SP100: variants seen among roughly 807,000 people sequenced by gnomAD.
The protein encoded by SP100 is SP100 nuclear body protein.
Under a neutral mutation model 130.0 loss-of-function variants are expected in SP100, and 84 were observed. The ratio of observed to expected loss-of-function variants is 0.65; its 90% CI spans 0.54 to 0.77. The LOEUF is 0.77. SP100 is among the 30% of genes least tolerant of loss of function. SP100 has a pLI of 0.00. For missense variants in SP100, 978 were observed against 1,052.2 expected, an observed-to-expected ratio of 0.93 and a Z score of 0.97; for synonymous variants, 331 against 351.7, an observed-to-expected ratio of 0.94 and a Z score of 0.66.
intron 17 of SP100, among the ~76,000 whole-genome samples, chr2:230,484,852 A>C (rs1310803575): frequency 6.6e-6 from 1 of 151,954 alleles, no homozygotes; most frequent in African/African-American, 2.4e-5. Context: ...GCTTGTTCTA[A>C]CTTTTCCGAG....
chr2:230,465,225 G>T (rs1575665418), intron 11 of SP100, among the ~76,000 whole-genome samples: 1 of 151,436 alleles, frequency 6.6e-6, no homozygotes, highest in South Asian at 2.1e-4. Flanking sequence ...GACAGAGCAA[G>T]ACTCCATCTC....
intron 2 of SP100, among the ~76,000 whole-genome samples, chr2:230,418,410 C>G (rs147412610): frequency 2.0e-5 from 3 of 152,058 alleles, no homozygotes; most frequent in South Asian, 4.2e-4. Context: ...TTAGGTTTGC[C>G]TGTGCTGTTA....
At chr2:230,472,719 A>C (rs931332660) in intron 15 of SP100, among the ~76,000 whole-genome samples, 18 of 152,278 alleles carry the variant, frequency 1.2e-4, no homozygotes, top group African/African-American at 3.8e-4. Flanking sequence ...GAGAAATTGT[A>C]GGATCTGAAA....
chr2:230,461,955 G>GA (rs370809718), intron 9 of SP100, among the ~76,000 whole-genome samples: 4,897 of 119,010 alleles, frequency 0.041, 211 homozygotes, highest in African/African-American at 0.12. Flanking sequence ...TCTCAAAAAA[G>GA]AAAAAAAAAA....
At chr2:230,425,115 A>G (rs954979146) in intron 2 of SP100, among the ~76,000 whole-genome samples, 1 of 152,352 alleles carries the variant, frequency 6.6e-6, no homozygotes, top group South Asian at 2.1e-4. Flanking sequence ...TAGTTAACAT[A>G]TCCATCATGT....
intron 3 of SP100, 31 bp from the exon 4 acceptor site, chr2:230,444,147 T>G (rs776968698): frequency 8.8e-6 from 13 of 1,479,184 alleles, no homozygotes; most frequent in Non-Finnish European, 1.0e-5. Flanking sequence ...GAAGTCTTTA[T>G]TTATATTTTC....
At chr2:230,470,510 T>G (rs1300077519) in intron 15 of SP100, 1 of 774,256 alleles carries the variant, frequency 1.3e-6, no homozygotes, top group Non-Finnish European at 1.6e-6. Context: ...AAATAAAAAC[T>G]TCAGATCAAA....
intron 24 of SP100, among the ~76,000 whole-genome samples, chr2:230,531,668 A>G (rs796469809): frequency 7.9e-5 from 12 of 152,356 alleles, no homozygotes; most frequent in African/African-American, 2.9e-4. Flanking sequence ...TTTCACATAC[A>G]TGCTTGCATT....
At chr2:230,459,976 C>T (rs979756754) in intron 8 of SP100, among the ~76,000 whole-genome samples, 2 of 152,196 alleles carry the variant, frequency 1.3e-5, no homozygotes, top group Non-Finnish European at 2.9e-5. Context: ...ACCCACCTCT[C>T]GCCCTTTCAT....
chr2:230,488,604 G>C (rs1353549505), intron 17 of SP100, among the ~76,000 whole-genome samples: 2 of 152,114 alleles, frequency 1.3e-5, no homozygotes, highest in African/African-American at 4.8e-5. Flanking sequence ...TAGTAGAGAT[G>C]GGGTTTCACT....
At chr2:230,426,745 A>G (rs1008151631) in intron 2 of SP100, among the ~76,000 whole-genome samples, 7 of 152,174 alleles carry the variant, frequency 4.6e-5, no homozygotes, top group African/African-American at 1.2e-4. Flanking sequence ...GAAGTGTTCT[A>G]TATATGTTTG....
At chr2:230,419,147 G>T (rs1375323174) in intron 2 of SP100, among the ~76,000 whole-genome samples, 1 of 152,098 alleles carries the variant, frequency 6.6e-6, no homozygotes, top group Non-Finnish European at 1.5e-5. Flanking sequence ...ATATTTTTAT[G>T]CCATTATTAA....
intron 24 of SP100, among the ~76,000 whole-genome samples, chr2:230,514,059 A>T (rs1690765545): frequency 6.6e-6 from 1 of 151,390 alleles, no homozygotes; most frequent in Admixed American, 6.6e-5. Flanking sequence ...AACACAATAG[A>T]ATAAAGAAAT....
intron 17 of SP100, among the ~76,000 whole-genome samples, chr2:230,482,499 G>T (rs891686113): frequency 1.3e-5 from 2 of 151,882 alleles, no homozygotes; most frequent in Non-Finnish European, 2.9e-5. Flanking sequence ...CCTATCTCAA[G>T]ATTTGCTTTT....
intron 7 of SP100, 43 bp from the exon 8 acceptor site, chr2:230,450,129 C>A: frequency 2.1e-6 from 3 of 1,416,066 alleles, no homozygotes; most frequent in South Asian, 1.2e-5. Flanking sequence ...CAGGACAGAG[C>A]AAGGCTCTAC....
chr2:230,477,026 C>T (rs947889893), intron 17 of SP100, among the ~76,000 whole-genome samples: 3 of 151,866 alleles, frequency 2.0e-5, no homozygotes, highest in Non-Finnish European at 4.4e-5. Flanking sequence ...CCACCACACC[C>T]GGCTAATTTT....
At chr2:230,458,280 A>G (rs2064391861) in intron 8 of SP100, among the ~76,000 whole-genome samples, 1 of 152,232 alleles carries the variant, frequency 6.6e-6, no homozygotes, top group East Asian at 1.9e-4. Flanking sequence ...AAGATCTCCA[A>G]AGGAAAATGT....
intron 1 of SP100, 148 bp downstream of exon 1, chr2:230,416,476 A>T: frequency 2.7e-6 from 2 of 744,764 alleles, no homozygotes; most frequent in Non-Finnish European, 4.3e-6. Flanking sequence ...ATGAAAGACA[A>T]GTAATGAGGA....
rs377219789 is a variant in SP100 at position 230,544,813 on chromosome 2, C to G, written c.*1867C>G. 1.3e-5 allele frequency among the ~76,000 whole-genome samples: 2 copies of G among 152,160 alleles called. No individual in the cohort carries two copies. Among genetic ancestry groups the G allele is most frequent in the African/African-American group, 4.8e-5 (2 of 41,436 alleles). Reference sequence around the variant, plus strand: ...CACTTTCCAAAAGAAGATACACATGCGGCCAACAAGCATGTTTTAAAAGCT... The same window carrying G: ...CACTTTCCAAAAGAAGATACACATGGGGCCAACAAGCATGTTTTAAAAGCT... On this transcript the variant is annotated 3_prime_UTR_variant, in exon 29 of 29. Coordinates refer to ENST00000340126, the MANE Select transcript of SP100 (RefSeq NM_001080391.2).
Sources: gnomAD v4.1 joint callset for allele counts (sites outside exome capture counted in the v4.1 genomes callset) on GRCh38, gnomAD v4.1.1 for gene constraint, MANE v1.5 for transcripts, NCBI Gene and HGNC (gene_info 2026-07-23, HGNC 2026-07-21) for gene names.